Variants in SRPK2 observed in about 807,000 individuals in gnomAD.
SRPK2 encodes the protein SFRS protein kinase 2.
In SRPK2, 21 loss-of-function variants were observed where a neutral mutation model predicts 90.8. The ratio of observed to expected loss-of-function variants is 0.23; its 90% CI spans 0.16 to 0.33. SRPK2 has a LOEUF of 0.33. Among genes scored for constraint, SRPK2 ranks in the 10% least tolerant of loss-of-function variants. The pLI, the probability that SRPK2 is intolerant of heterozygous loss-of-function variation, is 1.00. For synonymous variants in SRPK2, 288 were observed against 311.1 expected (o/e 0.93, Z 0.78); for missense variants, 620 against 869.0 (o/e 0.71, Z 3.60).
chr7:105,239,180 A>G (rs866022436), intron 2 of SRPK2, among the ~76,000 whole-genome samples: 8 of 152,244 alleles, frequency 5.3e-5, no homozygotes, highest in African/African-American at 1.9e-4. Context: ...CAGAAGAGGC[A>G]ATGAATTATA....
chr7:105,195,643 C>T (rs1408070369), intron 3 of SRPK2, among the ~76,000 whole-genome samples: 1 of 152,202 alleles, frequency 6.6e-6, no homozygotes, highest in African/African-American at 2.4e-5. Flanking sequence ...AGTAGTGCCC[C>T]ATACTCTCAA....
rs1812206916 is a variant in SRPK2, at chr7:105,315,470, A to C, written c.71+73178T>G. On this transcript the variant is annotated intron_variant, in intron 2 of 15. Coordinates refer to ENST00000393651, the MANE Select transcript of SRPK2 (RefSeq NM_182692.3). The stretch of plus-strand genomic sequence containing the variant: ...ATCATACATGTAAAGTGCTTAATAC[A>C]AGACCTGGCACAGAGTGAACACTAA... Among the ~76,000 whole-genome samples the C allele has an allele frequency of 2.6e-5, 4 of 152,228 alleles. No individual in the cohort carries two copies. The South Asian group carries it at 8.3e-4, about 32-fold the overall frequency.
chr7:105,331,066 C>T (rs904104296), intron 2 of SRPK2, among the ~76,000 whole-genome samples: 1 of 151,884 alleles, frequency 6.6e-6, no homozygotes, highest in Non-Finnish European at 1.5e-5. Context: ...CTTTGGGAGG[C>T]CGAGGTAGGT....
chr7:105,391,265 G>T (rs934029826), upstream of SRPK2, among the ~76,000 whole-genome samples: 3 of 151,970 alleles, frequency 2.0e-5, no homozygotes, highest in Non-Finnish European at 4.4e-5. Flanking sequence ...GAGTGCAATG[G>T]CACGATCTCA....
Position 105,303,994 on chromosome 7 carries a change from C to T in SRPK2, c.71+84654G>A, listed in dbSNP as rs147769141. 3.4e-3 allele frequency among the ~76,000 whole-genome samples: 511 copies of T among 152,300 alleles called. 6 individuals are homozygous for T. The highest frequency in any genetic ancestry group is 0.017 in the Middle Eastern group (5 of 294). On this transcript the variant is annotated intron_variant, in intron 2 of 15. Coordinates refer to ENST00000393651, the MANE Select transcript of SRPK2 (RefSeq NM_182692.3). ...CGGTAGAGTTGACTTCAAAAGTTTT[C>T]ATTACGACCTGAAAACATGAAATTT...
chr7:105,225,751 T>C (rs981693258), intron 2 of SRPK2, among the ~76,000 whole-genome samples: 6 of 152,034 alleles, frequency 3.9e-5, no homozygotes, highest in African/African-American at 7.3e-5. Flanking sequence ...TTTCCCAAAA[T>C]ATCTTGTGCT....
chr7:105,145,442 C>T (rs1019421885), intron 8 of SRPK2, 134 bp from the exon 9 acceptor site: 5 of 544,076 alleles, frequency 9.2e-6, no homozygotes, highest in African/African-American at 3.9e-5. Flanking sequence ...TTAATCAGAG[C>T]TTCTTAATCA....
At chr7:105,246,780 TA>T (rs1227363283) in intron 2 of SRPK2, among the ~76,000 whole-genome samples, 3 of 152,244 alleles carry the variant, frequency 2.0e-5, no homozygotes, top group African/African-American at 7.2e-5. Flanking sequence ...GACAATCAAC[TA>T]TAAATTTTAA....
intron 2 of SRPK2, among the ~76,000 whole-genome samples, chr7:105,311,965 A>G (rs1226823836): frequency 6.6e-6 from 1 of 152,256 alleles, no homozygotes; most frequent in Non-Finnish European, 1.5e-5. Context: ...AATGCCATCA[A>G]TGGGTGAGTA....
chr7:105,275,496 T>C (rs1011048357), intron 2 of SRPK2, among the ~76,000 whole-genome samples: 125 of 152,196 alleles, frequency 8.2e-4, no homozygotes, highest in Non-Finnish European at 3.1e-4. Context: ...TTCTTGTTTT[T>C]ACTCACACCT....
At chr7:105,384,536 C>G (rs2132729229) in intron 2 of SRPK2, among the ~76,000 whole-genome samples, 1 of 152,258 alleles carries the variant, frequency 6.6e-6, no homozygotes, top group Non-Finnish European at 1.5e-5. Context: ...TATACCAAGC[C>G]AGACCCACAG....
At chr7:105,121,135 G>T (rs1435839692) in intron 15 of SRPK2, among the ~76,000 whole-genome samples, 2 of 152,132 alleles carry the variant, frequency 1.3e-5, no homozygotes, top group East Asian at 3.9e-4. Flanking sequence ...ATCACCTGAG[G>T]TCAGGAGTTC....
chr7:105,341,343 G>C (rs1012045935), intron 2 of SRPK2, among the ~76,000 whole-genome samples: 1 of 128,784 alleles, frequency 7.8e-6, no homozygotes, highest in African/African-American at 3.2e-5. Flanking sequence ...GGGCGAAAGG[G>C]CGAGACTCCG....
At chr7:105,332,776 A>C (rs1464078441) in intron 2 of SRPK2, 1 of 151,880 alleles carries the variant, frequency 6.6e-6, no homozygotes, top group Non-Finnish European at 1.5e-5. Context: ...AAAAAAAAAA[A>C]CAACAAAAAG....
chr7:105,121,427 A>G (rs1800366140), intron 15 of SRPK2, among the ~76,000 whole-genome samples: 1 of 152,076 alleles, frequency 6.6e-6, no homozygotes, highest in Admixed American at 6.5e-5. Flanking sequence ...TTTCACTGAA[A>G]CAAGTTTTGC....
At chr7:105,315,013 CT>C (rs1280633529) in intron 2 of SRPK2, among the ~76,000 whole-genome samples, 1 of 152,140 alleles carries the variant, frequency 6.6e-6, no homozygotes, top group Non-Finnish European at 1.5e-5. Context: ...GCAGTGGCTC[CT>C]GCCTGGAATC....
intron 2 of SRPK2, among the ~76,000 whole-genome samples, chr7:105,221,414 A>G (rs1798078907): frequency 6.6e-6 from 1 of 152,184 alleles, no homozygotes; most frequent in African/African-American, 2.4e-5. Flanking sequence ...TTCTCCAGCT[A>G]CAACAGTCCT....
chr7:105,275,175 A>C (rs1806327633), intron 2 of SRPK2, among the ~76,000 whole-genome samples: 1 of 152,116 alleles, frequency 6.6e-6, no homozygotes, highest in Non-Finnish European at 1.5e-5. Context: ...CATGAGCCAC[A>C]GCACCCAGCC....
At chr7:105,225,952 C>G (rs1236063280) in intron 2 of SRPK2, among the ~76,000 whole-genome samples, 4 of 152,122 alleles carry the variant, frequency 2.6e-5, no homozygotes, top group Non-Finnish European at 5.9e-5. Context: ...CAGCCACATG[C>G]GGGGGTTAGC....
Sources: gnomAD v4.1 joint callset for allele counts (sites outside exome capture counted in the v4.1 genomes callset) on GRCh38, gnomAD v4.1.1 for gene constraint, MANE v1.5 for transcripts, NCBI Gene and HGNC (gene_info 2026-07-23, HGNC 2026-07-21) for gene names.